Variants in COL27A1 observed in about 807,000 individuals in gnomAD.
COL27A1 encodes the protein collagen type XXVII alpha 1 chain.
COL27A1 carries 106 observed loss-of-function variants against 251.3 expected under a neutral mutation model. The ratio of observed to expected loss-of-function variants is 0.42; its 90% CI spans 0.36 to 0.50. The LOEUF is 0.50. Among genes scored for constraint, COL27A1 ranks in the 20% least tolerant of loss-of-function variants. COL27A1 has a pLI of 0.00. For synonymous variants in COL27A1, 1,000 were observed against 986.3 expected (o/e 1.01, Z -0.26); for missense variants, 2,325 against 2,522.8 (o/e 0.92, Z 1.68).
intron 26 of COL27A1, 31 bp downstream of exon 26, chr9:114,252,677 C>T: frequency 1.2e-6 from 2 of 1,604,480 alleles, no homozygotes; most frequent in Non-Finnish European, 1.7e-6. Flanking sequence ...CTCTTGCCCT[C>T]TCCTGTTGCA....
chr9:114,262,215 C>T (rs956308576), intron 28 of COL27A1, among the ~76,000 whole-genome samples: 1 of 152,192 alleles, frequency 6.6e-6, no homozygotes, highest in African/African-American at 2.4e-5. Context: ...CCATGAATCA[C>T]GGGTGTTAAG....
rs200847358 is a variant in COL27A1 at position 114,231,837 on chromosome 9, G to T, written c.2536G>T (p.Val846Leu). 15 of 1,614,080 alleles carry T rather than the reference G, an allele frequency of 9.3e-6. No individual in the cohort carries two copies. The highest frequency in any genetic ancestry group is 5.5e-5 in the South Asian group (5 of 91,094). ...TGTCTTGCAGGGACTGATGGGCAGC[G>T]TGGGGGAGCCCGGACTGAAAGGTGA... The part of the protein sequence containing the change: ...PKGMKGLMGS[V>L]GEPGLKGDKG... The change falls in exon 16 of 61, where the codon GTG (valine) becomes TTG (leucine). Residue 846 changes from valine to leucine, a missense_variant. Physicochemically the swap from Val to Leu is conservative, Grantham distance 32 (BLOSUM62 1). Around this residue, in one of 4 missense-constraint regions of COL27A1, gnomAD observed 1,183 missense variants for 1,144.1 expected, o/e 1.03. Transcript: ENST00000356083.
intron 3 of COL27A1, 152 bp from the exon 4 acceptor site, chr9:114,178,139 A>C: frequency 3.4e-6 from 2 of 596,640 alleles, no homozygotes; most frequent in Non-Finnish European, 6.1e-6. Context: ...AAGAGCATGA[A>C]TTTCTCAGGG....
chr9:114,306,305 C>G, intron 57 of COL27A1: 1 of 537,952 alleles, frequency 1.9e-6, no homozygotes, highest in Non-Finnish European at 3.3e-6. Context: ...GAGCTCTTTT[C>G]AAGCCTCTGA....
intron 24 of COL27A1, among the ~76,000 whole-genome samples, chr9:114,247,906 C>T (rs1356353087): frequency 6.6e-6 from 1 of 152,022 alleles, no homozygotes; most frequent in Non-Finnish European, 1.5e-5. Context: ...ATTATAATGG[C>T]AAAAACTGCG....
In COL27A1 at chr9:114,300,677, C is replaced by T; in HGVS notation, c.4691C>T (p.Pro1564Leu). 6.6e-7 allele frequency: 1 copy of T among 1,512,290 alleles called. No individual in the cohort carries two copies. The highest frequency in any genetic ancestry group is 8.8e-7 in the Non-Finnish European group (1 of 1,133,316). The allele number at this position is 1,512,290 out of a possible 1,614,324, so 93.7% of individuals were successfully genotyped here. Residue 1564 changes from proline to leucine, a missense_variant, in exon 51 of 61, where the codon CCT becomes CTT. By Grantham distance (98) the Pro-to-Leu change is moderately conservative. Around this residue, in one of 4 missense-constraint regions of COL27A1, gnomAD observed 327 missense variants for 442.8 expected, o/e 0.74. Transcript: ENST00000356083. ...FKGIQGPRGP[P>L]GLMGKEGIVG... ...GGCATCCAGGGCCCTCGGGGGCCAC[C>T]TGGCTTGATGGTGAGTTCCCTCCCT...
rs1336689580 is a variant in COL27A1, at chr9:114,167,689, A to T, written c.134A>T (p.Asp45Val). 4 of 1,608,278 alleles carry T rather than the reference A, an allele frequency of 2.5e-6. No homozygotes were observed. The highest frequency in any genetic ancestry group is 3.4e-6 in the Non-Finnish European group (4 of 1,176,230). ...CTCTCCCCTTTTCCCTCCCTCTCAG[A>T]TGTGGACATCCTCCAGCGGCTGGGC... The part of the protein sequence containing the change: ...HLASTQGAPE[D>V]VDILQRLGLS... The change falls in exon 3 of 61, where the codon GAT becomes GTT. Residue 45 changes from aspartate to valine, a missense_variant and splice_region_variant. By Grantham distance (152) the Asp-to-Val change is radical. Around this residue, in one of 4 missense-constraint regions of COL27A1, gnomAD observed 1,183 missense variants for 1,144.1 expected, o/e 1.03. Transcript: ENST00000356083.
chr9:114,306,970 G>A, intron 58 of COL27A1: 2 of 378,776 alleles, frequency 5.3e-6, no homozygotes, highest in Middle Eastern at 7.6e-4. Flanking sequence ...CAGGCTCCCG[G>A]GTGAGCCAGG....
upstream of COL27A1, among the ~76,000 whole-genome samples, chr9:114,154,684 G>T (rs1459031397): frequency 6.6e-6 from 1 of 152,178 alleles, no homozygotes; most frequent in Non-Finnish European, 1.5e-5. This position sits in a 1 kb window ranked among gnomAD's most constrained non-coding sequence, Gnocchi z 5.8. Context: ...CTGAGGATGC[G>T]TTTCGTGTGA....
chr9:114,168,092 G>C lies in COL27A1; in HGVS notation c.537G>C (p.Val179=). The part of the protein sequence containing the change: ...TLVTACGQRR[V]PVLLPFHRDP... ...TGACTGCCTGCGGGCAGCGCCGGGTGCCTGTCCTGCTGCCTTTCCACAGGG... is the reference window on the plus strand; with the variant it reads ...TGACTGCCTGCGGGCAGCGCCGGGTCCCTGTCCTGCTGCCTTTCCACAGGG... Residue 179 remains valine (V), a synonymous_variant, in exon 3 of 61, where the codon GTG becomes GTC. Transcript: ENST00000356083. 1.9e-6 allele frequency: 3 copies of C among 1,611,476 alleles called. No individual in the cohort carries two copies. In the South Asian group the frequency reaches 3.3e-5, roughly 18 times the overall value.
At chr9:114,186,914 G>T (rs1017118070) in intron 5 of COL27A1, among the ~76,000 whole-genome samples, 1 of 152,180 alleles carries the variant, frequency 6.6e-6, no homozygotes, top group African/African-American at 2.4e-5. Flanking sequence ...GGGCAGAGGT[G>T]GGGGTCTCCT....
chr9:114,250,784 C>T, intron 25 of COL27A1, 116 bp downstream of exon 25: 2 of 857,738 alleles, frequency 2.3e-6, no homozygotes, highest in Non-Finnish European at 3.8e-6. Context: ...AGCCTCTCTC[C>T]TGACCTGGCA....
intron 49 of COL27A1, among the ~76,000 whole-genome samples, chr9:114,297,401 T>G (rs983571965): frequency 1.3e-5 from 2 of 152,164 alleles, no homozygotes; most frequent in African/African-American, 2.4e-5. Flanking sequence ...CAAATATGCC[T>G]TATGAATACA....
At chr9:114,185,725 C>T (rs1456984320) in intron 5 of COL27A1, among the ~76,000 whole-genome samples, 1 of 152,236 alleles carries the variant, frequency 6.6e-6, no homozygotes, top group East Asian at 1.9e-4. Flanking sequence ...ATCCATTCAT[C>T]CTCCTTCAGT....
chr9:114,237,782 A>T, intron 19 of COL27A1, 67 bp downstream of exon 19: 1 of 1,342,024 alleles, frequency 7.5e-7, no homozygotes. Flanking sequence ...TGGGAAACTG[A>T]GGCCCAGGGA....
At chr9:114,263,927 T>C (rs1431526754) in intron 28 of COL27A1, among the ~76,000 whole-genome samples, 3 of 152,212 alleles carry the variant, frequency 2.0e-5, no homozygotes, top group Admixed American at 1.3e-4. Context: ...CTCTGTCAGT[T>C]TCCCCTGAGG....
intron 35 of COL27A1, among the ~76,000 whole-genome samples, chr9:114,269,845 G>A (rs146445475): frequency 1.8e-4 from 27 of 152,282 alleles, no homozygotes; most frequent in Non-Finnish European, 3.4e-4. Flanking sequence ...CCACCCAACT[G>A]GCACATCGTT....
chr9:114,270,586 CT>C (rs1257341523), intron 35 of COL27A1, 141 bp from the exon 36 acceptor site: 2 of 631,328 alleles, frequency 3.2e-6, no homozygotes, highest in African/African-American at 3.8e-5. Context: ...CATGCACCCA[CT>C]GTGTGCCAGG....
chr9:114,286,794 G>C (rs1298433367), intron 41 of COL27A1, among the ~76,000 whole-genome samples: 1 of 152,158 alleles, frequency 6.6e-6, no homozygotes, highest in African/African-American at 2.4e-5. Flanking sequence ...CATTGCGGGG[G>C]ATCAGTATAG....
Sources: gnomAD v4.1 joint callset for allele counts (sites outside exome capture counted in the v4.1 genomes callset) on GRCh38, gnomAD v4.1.1 for gene constraint, gnomAD v4.1.1 regional missense constraint, Gnocchi (gnomAD v3.1) non-coding constraint, MANE v1.5 for transcripts, NCBI Gene and HGNC (gene_info 2026-07-23, HGNC 2026-07-21) for gene names.